The following CUL3 variants were observed in gnomAD, a reference collection of about 807,000 sequenced individuals.
CUL3 encodes the protein cullin-3.
In CUL3, 19 loss-of-function variants were observed where a neutral mutation model predicts 89.1. That is an observed-to-expected ratio of 0.21 (90% CI 0.15 to 0.31). CUL3 has a LOEUF of 0.31. Ranked by LOEUF, CUL3 falls within the 10% of genes least tolerant of loss-of-function variation. The pLI, the probability that CUL3 is intolerant of heterozygous loss-of-function variation, is 1.00. For missense variants in CUL3, 469 were observed against 942.3 expected (o/e 0.50, Z 6.58); for synonymous variants, 351 against 308.4 (o/e 1.14, Z -1.45).
Position 224,474,369 on chromosome 2 carries a change from T to C in CUL3, c.2183A>G (p.Gln728Arg), listed in dbSNP as rs1211792207. 6.2e-7 allele frequency: 1 copy of C among 1,611,030 alleles called. No individual in the cohort carries two copies. The highest frequency in any genetic ancestry group is 1.1e-5 in the South Asian group (1 of 90,524). Reference protein sequence around the residue: ...QHNVLVAEVTQQLKARFLPSP... With the variant: ...QHNVLVAEVTRQLKARFLPSP... ...TGGTAAGAATCGCGCCTTCAACTGC[T>C]GAGTTACCTAAAAAAGAAAGTAGAT... Residue 728 changes from glutamine to arginine, a missense_variant, in exon 16 of 16, where the codon CAG (glutamine) becomes CGG (arginine). Physicochemically the swap from Gln to Arg is conservative, Grantham distance 43. This residue lies in a region of CUL3 where 65 missense variants were observed against 147.8 expected (regional missense o/e 0.44). Coordinates refer to ENST00000264414, the MANE Select transcript of CUL3 (RefSeq NM_003590.5).
At position 224,585,317 on chromosome 2, in the gene CUL3, G is replaced by A. The variant is rs1352053201; in HGVS notation, c.-308C>T. 4 of 402,336 alleles carry A rather than the reference G, an allele frequency of 9.9e-6. No homozygotes were observed. Among genetic ancestry groups the A allele is most frequent in the Admixed American group, 4.4e-5 (1 of 22,732 alleles). 24.9% of individuals were successfully genotyped at this position (402,336 alleles called of 1,614,324 possible). ...CGCGCTCCTCCGCGATGGCGGCGGC[G>A]GCGGCGACGGACAAACATCTCACTG... is the stretch of plus-strand genomic sequence containing the variant. On this transcript the variant is annotated 5_prime_UTR_variant, in exon 1 of 16. Coordinates refer to ENST00000264414, the MANE Select transcript of CUL3 (RefSeq NM_003590.5).
chr2:224,490,413 G>A (rs925383672), intron 13 of CUL3, among the ~76,000 whole-genome samples: 11 of 152,022 alleles, frequency 7.2e-5, no homozygotes, highest in African/African-American at 2.7e-4. Flanking sequence ...CATTGGAGAT[G>A]ACTCACACTC....
intron 3 of CUL3, among the ~76,000 whole-genome samples, chr2:224,517,050 G>A (rs894315452): frequency 6.6e-6 from 1 of 151,602 alleles, no homozygotes; most frequent in Non-Finnish European, 1.5e-5. Context: ...ATAAAAACTA[G>A]CATAAATTTA....
chr2:224,510,012 C>A (rs1323351924), intron 6 of CUL3, among the ~76,000 whole-genome samples: 1 of 152,054 alleles, frequency 6.6e-6, no homozygotes, highest in Admixed American at 6.6e-5. Flanking sequence ...TTTAGTGACA[C>A]ATAAAAATTA....
intron 2 of CUL3, among the ~76,000 whole-genome samples, chr2:224,541,956 T>A (rs1048522511): frequency 7.9e-5 from 12 of 152,198 alleles, no homozygotes; most frequent in African/African-American, 2.9e-4. Flanking sequence ...GCAACTGTTC[T>A]ATATCAAGTG....
chr2:224,500,884 A>G (rs1692362012), intron 10 of CUL3, among the ~76,000 whole-genome samples: 1 of 152,116 alleles, frequency 6.6e-6, no homozygotes, highest in Non-Finnish European at 1.5e-5. Flanking sequence ...TCAGCCTCCC[A>G]AAGTGCTGGG....
chr2:224,497,978 G>C, intron 11 of CUL3, 129 bp from the exon 12 acceptor site: 1 of 669,800 alleles, frequency 1.5e-6, no homozygotes, highest in Non-Finnish European at 2.5e-6. Flanking sequence ...AAACTTAAAG[G>C]AAACTTTAGG....
chr2:224,526,779 C>T (rs906115531), intron 3 of CUL3, among the ~76,000 whole-genome samples: 30 of 146,050 alleles, frequency 2.1e-4, no homozygotes, highest in African/African-American at 6.6e-4. Context: ...TCAAGTTTAT[C>T]ATTCTCCAAC....
chr2:224,499,502 G>A lies in CUL3; in HGVS notation c.1610+861C>T, dbSNP rs537260365. On this transcript the variant is annotated intron_variant, in intron 11 of 15. Coordinates refer to ENST00000264414, the MANE Select transcript of CUL3 (RefSeq NM_003590.5). ...AGTTGTTTTTTCAGATCTGGTTTGA[G>A]GTTAACAGTTCACCAGTAGATGTTC... 2.5e-5 allele frequency: 6 copies of A among 235,744 alleles called. No homozygotes were observed. The South Asian group carries it at 4.0e-4, about 16-fold the overall frequency. The allele number at this position is 235,744 out of a possible 1,614,324, so 14.6% of individuals were successfully genotyped here. A position where few individuals can be genotyped will look rare whatever the true frequency, so the allele number is the denominator to read the frequency against.
chr2:224,521,937 T>C (rs929931051), intron 3 of CUL3, among the ~76,000 whole-genome samples: 1 of 152,140 alleles, frequency 6.6e-6, no homozygotes, highest in African/African-American at 2.4e-5. Flanking sequence ...GTAACTGTTT[T>C]TGTCTACTAC....
chr2:224,569,708 A>G (rs1375635232), intron 1 of CUL3: 46 of 1,214,614 alleles, frequency 3.8e-5, no homozygotes, highest in Non-Finnish European at 4.8e-5. Flanking sequence ...AGGTTCTGTG[A>G]TTACTGAGAG....
chr2:224,500,416 T>C lies in CUL3; in HGVS notation c.1557A>G (p.Thr519=). ...TTGYWPTQSA[T]PKCNIPPAPR... is the part of the protein sequence containing the mutation. ...GTGCTGGTGGGATGTTGCACTTTGG[T>C]GTGGCTGACTGAGTGGGCCAATATC... The change falls in exon 11 of 16, where the codon ACA becomes ACG. Residue 519 remains threonine, a synonymous_variant. Transcript: ENST00000264414. 6.2e-7 allele frequency: 1 copy of C among 1,614,112 alleles called. No individual in the cohort carries two copies. The highest frequency in any genetic ancestry group is 1.3e-5 in the African/African-American group (1 of 75,046).
chr2:224,509,192 G>A lies in CUL3; in HGVS notation c.883+2162C>T, dbSNP rs114933645. Among the ~76,000 whole-genome samples, 793 of 152,098 alleles carry A rather than the reference G, an allele frequency of 5.2e-3. 5 individuals carry two copies. Among genetic ancestry groups the A allele is most frequent in the African/African-American group, 0.017 (724 of 41,500 alleles). ...GATATTTTGCCACCAGGTTTCTAGC[G>A]GAAGCTCAGAAAAATTAACCCCCCC... On this transcript the variant is annotated intron_variant, in intron 6 of 15. Transcript: ENST00000264414.
intron 3 of CUL3, among the ~76,000 whole-genome samples, chr2:224,526,218 T>C (rs1693467253): frequency 6.6e-6 from 1 of 152,198 alleles, no homozygotes; most frequent in African/African-American, 2.4e-5. Flanking sequence ...TTCTCACTAC[T>C]CCAAACTTCC....
chr2:224,569,147 G>A (rs1322219690), intron 1 of CUL3, among the ~76,000 whole-genome samples: 1 of 152,110 alleles, frequency 6.6e-6, no homozygotes, highest in Non-Finnish European at 1.5e-5. Flanking sequence ...TAAATTACTT[G>A]AGCAGGGCTT....
intron 14 of CUL3, among the ~76,000 whole-genome samples, chr2:224,481,681 C>G (rs1691543357): frequency 6.6e-6 from 1 of 152,080 alleles, no homozygotes. Context: ...TTTGTTCACA[C>G]TATAAATTAC....
intron 1 of CUL3, among the ~76,000 whole-genome samples, chr2:224,568,203 C>T (rs898623836): frequency 1.3e-5 from 2 of 152,244 alleles, no homozygotes; most frequent in Non-Finnish European, 1.5e-5. Context: ...TCAGTTCTTC[C>T]GTGATATTTT....
At chr2:224,571,852 C>T (rs1469163687) in intron 1 of CUL3, among the ~76,000 whole-genome samples, 4 of 152,280 alleles carry the variant, frequency 2.6e-5, no homozygotes, top group African/African-American at 9.6e-5. Flanking sequence ...TATGTATAAA[C>T]ACAATTGTCT....
intron 15 of CUL3, 188 bp from the exon 16 acceptor site, chr2:224,474,564 A>G: frequency 1.9e-6 from 1 of 533,220 alleles, no homozygotes; most frequent in Non-Finnish European, 3.3e-6. Context: ...ACACTTCCTC[A>G]AATCAGAATG....
Sources: gnomAD v4.1 joint callset for allele counts (sites outside exome capture counted in the v4.1 genomes callset) on GRCh38, gnomAD v4.1.1 for gene constraint, gnomAD v4.1.1 regional missense constraint, MANE v1.5 for transcripts, NCBI Gene and HGNC (gene_info 2026-07-23, HGNC 2026-07-21) for gene names.